The following SMYD3 variants were observed in gnomAD, a reference collection of about 807,000 sequenced individuals.
SMYD3 encodes the protein histone-lysine N-methyltransferase SMYD3.
A neutral mutation model predicts 57.7 loss-of-function variants in SMYD3; 36 were observed. The ratio of observed to expected loss-of-function variants is 0.62; its 90% confidence interval spans 0.48 to 0.82. SMYD3 has a LOEUF of 0.82. SMYD3 is among the 40% of genes least tolerant of loss of function. The pLI is 0.00. For synonymous variants in SMYD3, 211 were observed against 195.0 expected, an observed-to-expected ratio of 1.08 and a Z score of -0.68; for missense variants, 515 against 538.8, an observed-to-expected ratio of 0.96 and a Z score of 0.44.
chr1:246,094,157 GC>G (rs1478785752), intron 5 of SMYD3, among the ~76,000 whole-genome samples: 7 of 152,152 alleles, frequency 4.6e-5, no homozygotes, highest in African/African-American at 1.7e-4. Flanking sequence ...CCAAGATGAT[GC>G]AGTGTTTGTG....
intron 1 of SMYD3, among the ~76,000 whole-genome samples, chr1:246,397,001 C>T (rs781136440): frequency 6.6e-6 from 1 of 152,190 alleles, no homozygotes; most frequent in Non-Finnish European, 1.5e-5. Context: ...GAGTGTGTCA[C>T]TGTGATGTAG....
chr1:246,327,049 C>T (rs1236430599), intron 5 of SMYD3, 152 bp downstream of exon 5: 2 of 873,566 alleles, frequency 2.3e-6, no homozygotes, highest in Non-Finnish European at 3.7e-6. Flanking sequence ...AATACATTCT[C>T]TCATGCTCTA....
At chr1:246,190,062 C>G (rs1401521368) in intron 5 of SMYD3, among the ~76,000 whole-genome samples, 1 of 152,108 alleles carries the variant, frequency 6.6e-6, no homozygotes, top group East Asian at 1.9e-4. Flanking sequence ...GGAAGGATCT[C>G]AAAGGAAAGG....
intron 8 of SMYD3, among the ~76,000 whole-genome samples, chr1:245,874,114 T>A (rs2052365002): frequency 6.6e-6 from 1 of 152,216 alleles, no homozygotes. Flanking sequence ...CCCTCCTTCA[T>A]TCTATTTTAA....
chr1:246,489,637 G>T (rs2103067415), intron 1 of SMYD3, among the ~76,000 whole-genome samples: 1 of 152,280 alleles, frequency 6.6e-6, no homozygotes, highest in South Asian at 2.1e-4. Flanking sequence ...AGTATCAATA[G>T]ATCAGAAAGC....
At chr1:246,393,981 A>T (rs1468144531) in intron 1 of SMYD3, among the ~76,000 whole-genome samples, 1 of 152,258 alleles carries the variant, frequency 6.6e-6, no homozygotes. Flanking sequence ...ATTTTTCCAC[A>T]TGAATTCCAT....
intron 10 of SMYD3, among the ~76,000 whole-genome samples, chr1:245,814,818 A>ACACGCACG (rs1269193110): frequency 3.3e-5 from 5 of 151,616 alleles, no homozygotes; most frequent in Non-Finnish European, 7.4e-5. Flanking sequence ...GCACACACAC[A>ACACGCACG]CACGCACGCA....
intron 5 of SMYD3, among the ~76,000 whole-genome samples, chr1:245,964,529 T>C (rs903650240): frequency 6.6e-6 from 1 of 152,160 alleles, no homozygotes; most frequent in South Asian, 2.1e-4. Context: ...AGCAGAAATA[T>C]TGGAATCATT....
intron 5 of SMYD3, among the ~76,000 whole-genome samples, chr1:246,225,350 A>C (rs1483843261): frequency 8.5e-5 from 11 of 128,850 alleles, no homozygotes; most frequent in African/African-American, 2.7e-4. Context: ...AAAAAAAAAA[A>C]AAAAAAACAG....
At chr1:246,046,668 A>AAT (rs2059971848) in intron 5 of SMYD3, among the ~76,000 whole-genome samples, 1 of 148,060 alleles carries the variant, frequency 6.8e-6, no homozygotes, top group Non-Finnish European at 1.5e-5. Flanking sequence ...ATATTTTTTT[A>AAT]ATATATATAT....
At chr1:246,488,583 A>C (rs2068223008) in intron 1 of SMYD3, among the ~76,000 whole-genome samples, 2 of 152,134 alleles carry the variant, frequency 1.3e-5, no homozygotes, top group African/African-American at 4.8e-5. Context: ...GTACTGGGGA[A>C]TCTGAGGCAG....
chr1:245,995,847 A>AG (rs1420095842), intron 5 of SMYD3, among the ~76,000 whole-genome samples: 1 of 152,210 alleles, frequency 6.6e-6, no homozygotes, highest in Non-Finnish European at 1.5e-5. Flanking sequence ...AGACATGCAC[A>AG]GGGGGCAGGC....
At chr1:246,459,813 A>C (rs928584398) in intron 1 of SMYD3, among the ~76,000 whole-genome samples, 6 of 152,014 alleles carry the variant, frequency 3.9e-5, no homozygotes, top group African/African-American at 1.4e-4. Context: ...ACAGTATTAA[A>C]GCCTGGAACC....
chr1:245,784,332 A>C lies in SMYD3; in HGVS notation c.1077-20183T>G, dbSNP rs568272664. ...TTGTTCTAGTCATCTACTGCTGTGT[A>C]AGAAACCACCCCAAAATGTAGTGGT... On this transcript the variant is annotated intron_variant, in intron 10 of 11. Coordinates refer to ENST00000490107, the MANE Select transcript of SMYD3 (RefSeq NM_001167740.2). Among the ~76,000 whole-genome samples the C allele has an allele frequency of 4.6e-5, 7 of 152,332 alleles. No individual in the cohort carries two copies. The South Asian group carries it at 1.5e-3, about 32-fold the overall frequency.
intron 5 of SMYD3, among the ~76,000 whole-genome samples, chr1:246,000,663 A>G (rs6426249): frequency 1 from 151,812 of 152,284 alleles, 75,674 homozygotes; most frequent in East Asian, 1. Flanking sequence ...CATCATGGCC[A>G]AAACAGTTAT....
intron 5 of SMYD3, among the ~76,000 whole-genome samples, chr1:245,979,623 A>C (rs2058546950): frequency 6.6e-6 from 1 of 152,114 alleles, no homozygotes; most frequent in Non-Finnish European, 1.5e-5. Flanking sequence ...CCTCAGAAGG[A>C]GCTCACCCTG....
chr1:246,408,722 T>C (rs78602184), intron 1 of SMYD3, among the ~76,000 whole-genome samples: 9,274 of 139,180 alleles, frequency 0.067, 591 homozygotes, highest in East Asian at 0.33. Flanking sequence ...CAGGCTGGAA[T>C]GTAGTGGTGC....
intron 8 of SMYD3, among the ~76,000 whole-genome samples, chr1:245,894,170 T>C (rs1448252388): frequency 6.6e-6 from 1 of 152,120 alleles, no homozygotes; most frequent in Non-Finnish European, 1.5e-5. Context: ...TAGACGTTTG[T>C]AAAATGCACC....
chr1:246,252,551 A>T (rs6690244), intron 5 of SMYD3, among the ~76,000 whole-genome samples: 40,426 of 148,164 alleles, frequency 0.27, 6,060 homozygotes, highest in East Asian at 0.58. Flanking sequence ...GTTTCTGTTT[A>T]AAAAAAAATC....
Sources: allele counts gnomAD v4.1 joint callset (sites outside exome capture counted in the v4.1 genomes callset), GRCh38; gene constraint gnomAD v4.1.1; transcripts MANE v1.5; gene names NCBI Gene and HGNC (gene_info 2026-07-23, HGNC 2026-07-21).